Variants in ZNF185 observed in about 807,000 individuals in gnomAD.
ZNF185 encodes zinc finger protein 185.
Under a neutral mutation model 58.6 loss-of-function variants are expected in ZNF185, and 56 were observed. That is an observed-to-expected ratio of 0.95 (90% CI 0.77 to 1.19). ZNF185 has a LOEUF of 1.19. Ranked by LOEUF, ZNF185 falls within the 50% of genes most tolerant of loss-of-function variation. The pLI is 0.00. For synonymous variants in ZNF185, 230 were observed against 215.9 expected (o/e 1.07, Z -0.57); for missense variants, 627 against 573.5 (o/e 1.09, Z -0.95).
intron 7 of ZNF185, 25 bp from the exon 9 acceptor site, chrX:152,920,303 G>C: frequency 8.3e-7 from 1 of 1,201,688 alleles, no homozygotes; most frequent in Non-Finnish European, 1.1e-6. Flanking sequence ...CCCATCAGAT[G>C]CTCCCCCATC....
Position 152,915,209 on chromosome X carries a change from A to T in ZNF185, c.224+6A>T. 1 of 1,208,147 alleles carries T rather than the reference A, an allele frequency of 8.3e-7. No individual in the cohort carries two copies. ...GGGGAGGTTCCGAAGCCTAGGTAAG[A>T]GGTGGTGCTCAGGTGGCTGGTGGGT... On this transcript the variant is annotated splice_donor_region_variant and intron_variant, in intron 3 of 22. Transcript: ENST00000449285.
chrX:152,969,326 A>G, intron 20 of ZNF185, 56 bp from the exon 23 acceptor site: 1 of 1,036,620 alleles, frequency 9.6e-7, no homozygotes, highest in South Asian at 2.1e-5. Flanking sequence ...TGGCTGTGTC[A>G]CATCAGAGGT....
At chrX:152,898,315 G>A in the ZNF185 span, among the ~76,000 whole-genome samples, 1 of 112,555 alleles carries the variant, frequency 8.9e-6, no homozygotes. Context: ...CCCAGCTGGG[G>A]ACAAGTCAGG....
intron 11 of ZNF185, among the ~76,000 whole-genome samples, chrX:152,927,133 G>C (rs1463941743): frequency 8.9e-6 from 1 of 112,538 alleles, no homozygotes; most frequent in Non-Finnish European, 1.9e-5. Context: ...GCTTGCCTGT[G>C]ACATCCCTGT....
chrX:152,902,141 G>A, the ZNF185 span, among the ~76,000 whole-genome samples: 2 of 112,070 alleles, frequency 1.8e-5, no homozygotes, highest in Non-Finnish European at 3.8e-5. Context: ...GCTGCCCTTG[G>A]GGCTGCTGCT....
intron 19 of ZNF185, among the ~76,000 whole-genome samples, 200 bp from the exon 22 acceptor site, chrX:152,966,967 C>T (rs1268493242): frequency 9.0e-6 from 1 of 111,149 alleles, no homozygotes; most frequent in African/African-American, 3.3e-5. Flanking sequence ...GAATCCTAGC[C>T]ACCCAGCCCC....
intron 20 of ZNF185, among the ~76,000 whole-genome samples, chrX:152,967,712 CAG>C (rs1257335102): frequency 2.7e-5 from 3 of 112,076 alleles, no homozygotes; most frequent in African/African-American, 9.7e-5. Flanking sequence ...AAATTGAAAG[CAG>C]GGGCAGAGAA....
intron 22 of ZNF185, 141 bp from the exon 25 acceptor site, chrX:152,971,133 C>G (rs1850101851): frequency 8.9e-6 from 1 of 112,263 alleles, no homozygotes; most frequent in African/African-American, 3.2e-5. Context: ...AGGCTTTCCA[C>G]TAGCTCCATG....
chrX:152,921,788 G>A (rs1351310951), intron 9 of ZNF185, among the ~76,000 whole-genome samples: 1 of 110,897 alleles, frequency 9.0e-6, no homozygotes, highest in Non-Finnish European at 1.9e-5. Flanking sequence ...TCCAGTCTGT[G>A]CGTCTGTCTT....
intron 16 of ZNF185, among the ~76,000 whole-genome samples, chrX:152,956,174 GACT>G (rs2048808863): frequency 9.0e-6 from 1 of 111,629 alleles, no homozygotes; most frequent in Non-Finnish European, 1.9e-5. Context: ...GCACTGGGGA[GACT>G]ACTATGACTA....
upstream of ZNF185, among the ~76,000 whole-genome samples, chrX:152,914,255 G>A (rs901297859): frequency 8.9e-6 from 1 of 111,980 alleles, no homozygotes; most frequent in Non-Finnish European, 1.9e-5. Context: ...TGGGTGTGCC[G>A]CTGGGCAGCA....
intron 14 of ZNF185, 66 bp downstream of exon 16, chrX:152,936,579 TCAGCTG>T: frequency 3.0e-6 from 3 of 983,864 alleles, no homozygotes; most frequent in Non-Finnish European, 4.2e-6. Context: ...GGGCCCAGCC[TCAGCTG>T]CAGCACCCCA....
chrX:152,967,206 G>A, exon 20 of ZNF185: 1 of 1,211,478 alleles, frequency 8.3e-7, no homozygotes, highest in Non-Finnish European at 1.1e-6. Flanking sequence ...TGGAGAAGAA[G>A]CCTCCATGTG....
chrX:152,936,223 C>G (rs1267375369), intron 14 of ZNF185, among the ~76,000 whole-genome samples, 195 bp from the exon 16 acceptor site: 1 of 112,827 alleles, frequency 8.9e-6, no homozygotes, highest in Non-Finnish European at 1.9e-5. Context: ...ATTTGCAACG[C>G]CAGAGGGCAA....
chrX:152,903,854 C>T, the ZNF185 span, among the ~76,000 whole-genome samples: 53 of 111,609 alleles, frequency 4.7e-4, no homozygotes, highest in African/African-American at 1.6e-3. Context: ...TCCTCACCCC[C>T]AGCGCCCCAC....
chrX:152,942,260 G>C (rs1163313318), intron 15 of ZNF185, among the ~76,000 whole-genome samples: 4 of 111,884 alleles, frequency 3.6e-5, no homozygotes, highest in Non-Finnish European at 5.6e-5. Context: ...ATTCCATCTT[G>C]GGCCGCTCCA....
chrX:152,903,405 A>G, the ZNF185 span, among the ~76,000 whole-genome samples: 949 of 106,797 alleles, frequency 8.9e-3, 16 homozygotes, highest in African/African-American at 0.031. Context: ...AAAAAAAAAA[A>G]AAAAAAAAAA....
In ZNF185 at chrX:152,919,091, TG is replaced by T; in HGVS notation, c.530+12del. 8.5e-7 allele frequency: 1 copy of T among 1,179,367 alleles called. No homozygotes were observed. The highest frequency in any genetic ancestry group is 1.2e-6 in the Non-Finnish European group (1 of 867,694). On this transcript the variant is annotated intron_variant, in intron 7 of 22. Coordinates refer to ENST00000449285, the Ensembl canonical transcript of ZNF185. ...ATGAACAGAAACGGAGGTAATGGAATGGTGCCTTTTGGGCATCCCGGGGGGC... is the reference window on the plus strand; with the variant it reads ...ATGAACAGAAACGGAGGTAATGGAATGTGCCTTTTGGGCATCCCGGGGGGC...
At chrX:152,907,874 C>T in the ZNF185 span, among the ~76,000 whole-genome samples, 20 of 112,755 alleles carry the variant, frequency 1.8e-4, no homozygotes. Context: ...TGGAGATTTC[C>T]AAAAAACCAG....
Sources: gnomAD v4.1 joint callset for allele counts (sites outside exome capture counted in the v4.1 genomes callset) on GRCh38, gnomAD v4.1.1 for gene constraint, MANE v1.5 for transcripts, NCBI Gene and HGNC (gene_info 2026-07-23, HGNC 2026-07-21) for gene names.